YPEL2: variants seen among roughly 807,000 people sequenced by gnomAD.
The protein encoded by YPEL2 is protein yippee-like 2.
In YPEL2, 2 loss-of-function variants were observed where a neutral mutation model predicts 19.1. That is an observed-to-expected ratio of 0.10 (90% CI 0.04 to 0.33). YPEL2 has a LOEUF of 0.33. YPEL2 is among the 10% of genes least tolerant of loss of function. The pLI is 1.00. For synonymous variants in YPEL2, 52 were observed against 50.0 expected (o/e 1.04, Z -0.17); for missense variants, 66 against 140.7 (o/e 0.47, Z 2.68).
rs1432896382 is a variant in YPEL2 at position 59,353,856 on chromosome 17, AGT to A, written c.117+332_117+333del. 1.7e-5 allele frequency: 6 copies of A among 362,802 alleles called. No individual in the cohort carries two copies. The highest frequency in any genetic ancestry group is 1.3e-4 in the African/African-American group (6 of 47,018). 22.5% of individuals were successfully genotyped at this position (362,802 alleles called of 1,614,324 possible). Reference sequence around the variant, plus strand: ...TTAGGTTGGCGGACGAAGAGTGAAGAGTGCTCCCTGCTCAGAAGGTGAATTCT... The same window carrying A: ...TTAGGTTGGCGGACGAAGAGTGAAGAGCTCCCTGCTCAGAAGGTGAATTCT... On this transcript the variant is annotated intron_variant, in intron 2 of 4. Transcript: ENST00000312655. The surrounding 1 kb of genome is among the most constrained non-coding windows in gnomAD (Gnocchi z 4.8).
chr17:59,356,349 A>G (rs1030432979), intron 2 of YPEL2: 1 of 151,734 alleles, frequency 6.6e-6, no homozygotes, highest in African/African-American at 2.4e-5. Context: ...AGAAGGGGAT[A>G]CAAAGGTCTG....
intron 1 of YPEL2, among the ~76,000 whole-genome samples, chr17:59,352,536 C>A (rs546305544): frequency 1.3e-5 from 2 of 152,206 alleles, no homozygotes; most frequent in Non-Finnish European, 2.9e-5. Context: ...TCTGATTATG[C>A]CATTGATTTC....
intron 2 of YPEL2, among the ~76,000 whole-genome samples, chr17:59,373,253 A>T (rs1257915353): frequency 1.3e-5 from 2 of 152,180 alleles, no homozygotes; most frequent in Non-Finnish European, 2.9e-5. Context: ...AGAGATGGGG[A>T]TGTAGCTGGA....
chr17:59,370,263 C>G (rs2047890210), intron 2 of YPEL2, among the ~76,000 whole-genome samples: 1 of 152,162 alleles, frequency 6.6e-6, no homozygotes, highest in African/African-American at 2.4e-5. Context: ...CGGGGTTTCA[C>G]TGTGTTAGCC....
At chr17:59,347,495 A>T (rs900674205) in intron 1 of YPEL2, among the ~76,000 whole-genome samples, 3 of 152,124 alleles carry the variant, frequency 2.0e-5, no homozygotes, top group African/African-American at 7.2e-5. Flanking sequence ...ACGTGGTCAG[A>T]TCTCCTTTTT....
intron 4 of YPEL2, among the ~76,000 whole-genome samples, chr17:59,390,103 C>T (rs1024059172): frequency 1.3e-5 from 2 of 152,120 alleles, no homozygotes; most frequent in Non-Finnish European, 2.9e-5. Flanking sequence ...CAGATTCAAG[C>T]GATTCTCATG....
intron 2 of YPEL2, among the ~76,000 whole-genome samples, chr17:59,381,657 T>A (rs1458659593): frequency 6.6e-6 from 1 of 152,130 alleles, no homozygotes; most frequent in Non-Finnish European, 1.5e-5. Context: ...CCCTTTCTGT[T>A]CCTTTGAGCT....
chr17:59,334,025 G>A (rs1376665343), intron 1 of YPEL2, among the ~76,000 whole-genome samples: 1 of 152,108 alleles, frequency 6.6e-6, no homozygotes, highest in African/African-American at 2.4e-5. Flanking sequence ...AAAGTCTAAG[G>A]GCACAGTATT....
At chr17:59,379,286 G>A (rs1173247643) in intron 2 of YPEL2, among the ~76,000 whole-genome samples, 3 of 152,074 alleles carry the variant, frequency 2.0e-5, no homozygotes, top group African/African-American at 7.3e-5. Flanking sequence ...TTTTGTTTGG[G>A]TTCCAACTCT....
intron 1 of YPEL2, among the ~76,000 whole-genome samples, chr17:59,349,353 T>C (rs1282496178): frequency 7.0e-6 from 1 of 143,786 alleles, no homozygotes; most frequent in Non-Finnish European, 1.5e-5. Flanking sequence ...ACAGGCCTTT[T>C]TTTTCTTTTT....
intron 4 of YPEL2, among the ~76,000 whole-genome samples, chr17:59,392,154 C>T (rs1157891282): frequency 6.6e-6 from 1 of 152,148 alleles, no homozygotes; most frequent in Non-Finnish European, 1.5e-5. Flanking sequence ...AAGTTCTGCC[C>T]CTGCCCCTGT....
At chr17:59,335,414 T>TAGCAGAGTGGAC (rs1264435478) in intron 1 of YPEL2, among the ~76,000 whole-genome samples, 1 of 152,106 alleles carries the variant, frequency 6.6e-6, no homozygotes, top group Admixed American at 6.6e-5. Context: ...CCTCATCTCT[T>TAGCAGAGTGGAC]ACCAATCCCC....
intron 1 of YPEL2, among the ~76,000 whole-genome samples, chr17:59,348,214 C>T (rs1199346909): frequency 2.0e-5 from 3 of 152,352 alleles, no homozygotes; most frequent in African/African-American, 2.4e-5. Flanking sequence ...TCAGACACCC[C>T]ATGGAAACAA....
At chr17:59,395,585 C>T (rs765269944) in intron 4 of YPEL2, among the ~76,000 whole-genome samples, 5 of 152,240 alleles carry the variant, frequency 3.3e-5, no homozygotes, top group South Asian at 4.2e-4. Flanking sequence ...GTTAGTATGA[C>T]GTTCTCCCTC....
chr17:59,365,325 C>T (rs1232669119), intron 2 of YPEL2, among the ~76,000 whole-genome samples: 1 of 152,218 alleles, frequency 6.6e-6, no homozygotes, highest in Non-Finnish European at 1.5e-5. Flanking sequence ...AGCAGCAGCA[C>T]CTTCCACCAC....
At chr17:59,393,837 C>T (rs2048021796) in intron 4 of YPEL2, among the ~76,000 whole-genome samples, 1 of 151,514 alleles carries the variant, frequency 6.6e-6, no homozygotes, top group South Asian at 2.1e-4. Flanking sequence ...GGGGTAAGGT[C>T]ATAGATCAAC....
intron 2 of YPEL2, among the ~76,000 whole-genome samples, chr17:59,371,196 G>A (rs1382555738): frequency 6.6e-6 from 1 of 152,188 alleles, no homozygotes; most frequent in Non-Finnish European, 1.5e-5. Context: ...TGCCCTTTCG[G>A]CTTAGCTTTC....
chr17:59,377,425 C>CT, intron 2 of YPEL2, among the ~76,000 whole-genome samples: 1 of 152,312 alleles, frequency 6.6e-6, no homozygotes, highest in East Asian at 1.9e-4. Flanking sequence ...CCGTCAGTGT[C>CT]TAACTCAGAA....
intron 4 of YPEL2, among the ~76,000 whole-genome samples, chr17:59,390,498 A>G (rs1406678384): frequency 6.6e-6 from 1 of 152,176 alleles, no homozygotes; most frequent in Admixed American, 6.5e-5. Flanking sequence ...AATGTTCCTA[A>G]AACACCTAGG....
Sources: gnomAD v4.1 joint callset for allele counts (sites outside exome capture counted in the v4.1 genomes callset) on GRCh38, gnomAD v4.1.1 for gene constraint, Gnocchi (gnomAD v3.1) non-coding constraint, MANE v1.5 for transcripts, NCBI Gene and HGNC (gene_info 2026-07-23, HGNC 2026-07-21) for gene names.